GPHA2: variants seen among roughly 807,000 people sequenced by gnomAD.
The protein encoded by GPHA2 is glycoprotein hormone subunit alpha 2, also known as glycoprotein hormone alpha-2.
A neutral mutation model predicts 15.3 loss-of-function variants in GPHA2; 12 were observed. The ratio of observed to expected loss-of-function variants is 0.78; its 90% CI spans 0.50 to 1.27. GPHA2 has a LOEUF of 1.27. Ranked by LOEUF, GPHA2 falls within the 50% of genes most tolerant of loss-of-function variation. GPHA2 has a pLI of 0.00. For synonymous variants in GPHA2, 61 were observed against 66.8 expected, an observed-to-expected ratio of 0.91 and a Z score of 0.42; for missense variants, 156 against 169.5, an observed-to-expected ratio of 0.92 and a Z score of 0.44.
Position 64,934,919 on chromosome 11 carries a change from T to C in GPHA2, c.289-45A>G, listed in dbSNP as rs972802761. 5.0e-6 allele frequency: 8 copies of C among 1,611,976 alleles called. No homozygotes were observed. In the African/African-American group the frequency reaches 8.0e-5, roughly 16 times the overall value. On this transcript the variant is annotated intron_variant, in intron 3 of 3. Transcript: ENST00000279168. Reference sequence around the variant, plus strand: ...GTGCTGCAGTCCCCTTTCTCAGGGCTGTCTAGGATCTCCATCTCTCTGGTC... The same window carrying C: ...GTGCTGCAGTCCCCTTTCTCAGGGCCGTCTAGGATCTCCATCTCTCTGGTC...
rs1447206489 is a variant in GPHA2, at chr11:64,934,691, GT to G, written c.*81del. 7.8e-5 allele frequency: 91 copies of G among 1,165,838 alleles called. 2 individuals are homozygous for G. The South Asian group carries it at 1.1e-3, about 14-fold the overall frequency. The allele number at this position is 1,165,838 out of a possible 1,614,324, so 72.2% of individuals were successfully genotyped here. ...ACCATCAGGGCTGGAGCTCCTTCCA[GT>G]TTTTGAATCTTGAACACAGGTTTCC... On this transcript the variant is annotated 3_prime_UTR_variant, in exon 4 of 4. Coordinates refer to ENST00000279168, the MANE Select transcript of GPHA2 (RefSeq NM_130769.4).
chr11:64,934,901 A>C, intron 3 of GPHA2, 27 bp from the exon 4 acceptor site: 1 of 1,612,450 alleles, frequency 6.2e-7, no homozygotes, highest in Non-Finnish European at 8.5e-7. Flanking sequence ...TCCGTGCTGC[A>C]GTCCCCTTTC....
Position 64,934,607 on chromosome 11 carries a change from T to C in GPHA2, c.*166A>G, listed in dbSNP as rs1945268335. On this transcript the variant is annotated 3_prime_UTR_variant, in exon 4 of 4. Coordinates refer to ENST00000279168, the MANE Select transcript of GPHA2 (RefSeq NM_130769.4). ...TTCTCAGGTGACAGTCACAAAATCT[T>C]ACAAAGGATCAAAGCTGGAACAACC... 1.1e-5 allele frequency: 7 copies of C among 626,166 alleles called. No individual in the cohort carries two copies. The highest frequency in any genetic ancestry group is 2.9e-6 in the Non-Finnish European group (1 of 350,398). 38.8% of individuals were successfully genotyped at this position (626,166 alleles called of 1,614,324 possible). A position where few individuals can be genotyped will look rare whatever the true frequency, so the allele number is the denominator to read the frequency against.
At position 64,934,803 on chromosome 11, in the gene GPHA2, C is replaced by G. The variant is rs946794849; in HGVS notation, c.360G>C (p.Gln120His). The G allele has an allele frequency of 6.2e-7, 1 of 1,614,118 alleles. No individual in the cohort carries two copies. Among genetic ancestry groups the G allele is most frequent in the Admixed American group, 1.7e-5 (1 of 60,028 alleles). ...AGCGAGAGAGGCGACACATGTCACACTGGCAGGCCCTGGCCGTGAAGATCT... is the reference window on the plus strand; with the variant it reads ...AGCGAGAGAGGCGACACATGTCACAGTGGCAGGCCCTGGCCGTGAAGATCT... ...ELEIFTARAC[Q>H]CDMCRLSRY is the part of the protein sequence containing the mutation. Residue 120 changes from glutamine to histidine, a missense_variant, in exon 4 of 4, where the codon CAG (glutamine) becomes CAC (histidine). Gln to His is a conservative substitution (Grantham distance 24). Coordinates refer to ENST00000279168, the MANE Select transcript of GPHA2 (RefSeq NM_130769.4).
chr11:64,935,634 T>C (rs1008687679), intron 1 of GPHA2, 174 bp from the exon 2 acceptor site: 5 of 509,596 alleles, frequency 9.8e-6, no homozygotes, highest in African/African-American at 1.9e-5. Context: ...TGTGTGTGTA[T>C]GGGTGTGAGT....
At position 64,935,092 on chromosome 11, in the gene GPHA2, A is replaced by T. The variant is rs766065099; in HGVS notation, c.187T>A (p.Ser63Thr). ...GAGTACCGAGAAGGGAAGGCGCTGG[A>T]CTCACAGTGGCCCACACAGGCCTGT... is the stretch of plus-strand genomic sequence containing the variant. Reference protein sequence around the residue: ...VAQACVGHCESSAFPSRYSVL... With the variant: ...VAQACVGHCETSAFPSRYSVL... The change falls in exon 3 of 4, where the codon TCC becomes ACC. Residue 63 changes from serine to threonine, a missense_variant. Coordinates refer to ENST00000279168, the MANE Select transcript of GPHA2 (RefSeq NM_130769.4). 53 of 1,613,746 alleles carry T rather than the reference A, an allele frequency of 3.3e-5. No individual in the cohort carries two copies. Among genetic ancestry groups the T allele is most frequent in the Non-Finnish European group, 4.3e-5 (51 of 1,179,946 alleles).
chr11:64,934,498 G>T lies in GPHA2; in HGVS notation c.*275C>A. Reference sequence around the variant, plus strand: ...CAAGAACTGCTTGCTTTATTTAGGGGTAAGGGCAAAGAGGGAAGTAAAATG... The same window carrying T: ...CAAGAACTGCTTGCTTTATTTAGGGTTAAGGGCAAAGAGGGAAGTAAAATG... On this transcript the variant is annotated 3_prime_UTR_variant, in exon 4 of 4. Transcript: ENST00000279168. The T allele has an allele frequency of 1.8e-6, 1 of 548,850 alleles. No homozygotes were observed. Among genetic ancestry groups the T allele is most frequent in the Non-Finnish European group, 3.3e-6 (1 of 305,844 alleles). 34.0% of individuals were successfully genotyped at this position (548,850 alleles called of 1,614,324 possible).
chr11:64,934,920 G>A (rs777225208), intron 3 of GPHA2, 46 bp from the exon 4 acceptor site: 2 of 1,611,746 alleles, frequency 1.2e-6, no homozygotes, highest in Admixed American at 1.7e-5. Flanking sequence ...TCTCAGGGCT[G>A]TCTAGGATCT....
chr11:64,937,441 C>T (rs893983209), upstream of GPHA2: 3 of 152,198 alleles, frequency 2.0e-5, no homozygotes, highest in Non-Finnish European at 2.9e-5. Context: ...AGTGATGTTA[C>T]TAATGTCACT....
upstream of GPHA2, among the ~76,000 whole-genome samples, chr11:64,936,371 A>G (rs982952929): frequency 6.6e-6 from 1 of 152,030 alleles, no homozygotes; most frequent in Non-Finnish European, 1.5e-5. Context: ...TCCACCTCCC[A>G]GCCTCCCAGA....
chr11:64,936,105 T>A (rs951573506), upstream of GPHA2, among the ~76,000 whole-genome samples: 11 of 152,124 alleles, frequency 7.2e-5, no homozygotes, highest in Non-Finnish European at 7.4e-5. Flanking sequence ...CAGGCCTCGA[T>A]AAGTCAGATG....
Position 64,934,810 on chromosome 11 carries a change from G to T in GPHA2, c.353C>A (p.Ala118Asp). Residue 118 changes from alanine to aspartate, a missense_variant, in exon 4 of 4, where the codon GCC (alanine) becomes GAC (aspartate). Ala to Asp is a moderately radical substitution (Grantham distance 126). Coordinates refer to ENST00000279168, the MANE Select transcript of GPHA2 (RefSeq NM_130769.4). The part of the protein sequence containing the change: ...REELEIFTAR[A>D]CQCDMCRLSR... Reference sequence around the variant, plus strand: ...GAGGCGACACATGTCACACTGGCAGGCCCTGGCCGTGAAGATCTCGAGCTC... The same window carrying T: ...GAGGCGACACATGTCACACTGGCAGTCCCTGGCCGTGAAGATCTCGAGCTC... 4 of 1,614,078 alleles carry T rather than the reference G, an allele frequency of 2.5e-6. No homozygotes were observed. Among genetic ancestry groups the T allele is most frequent in the Non-Finnish European group, 3.4e-6 (4 of 1,180,006 alleles).
At position 64,935,123 on chromosome 11, in the gene GPHA2, G is replaced by A. The variant is rs140719126; in HGVS notation, c.156C>T (p.His52=). The A allele has an allele frequency of 2.6e-5, 42 of 1,613,886 alleles. No individual in the cohort carries two copies. The highest frequency in any genetic ancestry group is 8.3e-5 in the Admixed American group (5 of 59,998). The stretch of plus-strand genomic sequence containing the variant: ...AGTGGCCCACACAGGCCTGTGCCAC[G>A]TGGGAGCCCTGGCAGGTGCCTTGGC... ...SDRQGTCQGS[H]VAQACVGHCE... Residue 52 remains histidine (H), a synonymous_variant, in exon 3 of 4, where the codon CAC becomes CAT. Coordinates refer to ENST00000279168, the MANE Select transcript of GPHA2 (RefSeq NM_130769.4).
At chr11:64,936,682 A>C (rs1055634262), upstream of GPHA2, among the ~76,000 whole-genome samples, 1 of 152,136 alleles carries the variant, frequency 6.6e-6, no homozygotes, top group African/African-American at 2.4e-5. Context: ...GACAAGGGAA[A>C]TTATACCAGT....
upstream of GPHA2, among the ~76,000 whole-genome samples, chr11:64,937,057 C>T (rs1945300071): frequency 6.6e-6 from 1 of 152,162 alleles, no homozygotes; most frequent in Non-Finnish European, 1.5e-5. Flanking sequence ...ATGTGGCAAG[C>T]TGGAGAAAGA....
In GPHA2 at chr11:64,935,049, C is replaced by T; in HGVS notation, c.230G>A (p.Gly77Asp). The T allele has an allele frequency of 6.2e-7, 1 of 1,614,104 alleles. No individual in the cohort carries two copies. Among genetic ancestry groups the T allele is most frequent in the Non-Finnish European group, 8.5e-7 (1 of 1,180,016 alleles). ...GACGGAGGTGATGTTGTGTCGGTAA[C>T]CACTGGCCACCAGCACAGAGTACCG... Reference protein sequence around the residue: ...PSRYSVLVASGYRHNITSVSQ... With the variant: ...PSRYSVLVASDYRHNITSVSQ... Residue 77 changes from glycine to aspartate, a missense_variant, in exon 3 of 4, where the codon GGT becomes GAT. Physicochemically the swap from Gly to Asp is moderately conservative, Grantham distance 94 (BLOSUM62 -1). Coordinates refer to ENST00000279168, the MANE Select transcript of GPHA2 (RefSeq NM_130769.4).
intron 2 of GPHA2, 58 bp downstream of exon 2, chr11:64,935,300 C>A: frequency 3.4e-6 from 4 of 1,177,180 alleles, no homozygotes; most frequent in Middle Eastern, 5.0e-4. Flanking sequence ...CCACTCAGCT[C>A]TTTGCTCCCA....
chr11:64,935,540 G>C, intron 1 of GPHA2, 80 bp from the exon 2 acceptor site: 1 of 942,336 alleles, frequency 1.1e-6, no homozygotes, highest in Non-Finnish European at 1.6e-6. Flanking sequence ...TTCCAGGTGA[G>C]TGAGCCAGGG....
At chr11:64,936,406 TC>T (rs1410390588), upstream of GPHA2, among the ~76,000 whole-genome samples, 1 of 152,076 alleles carries the variant, frequency 6.6e-6, no homozygotes, top group Non-Finnish European at 1.5e-5. Flanking sequence ...CCCCTTAGCC[TC>T]CTGAGTAGCT....
Sources: gnomAD v4.1 joint callset for allele counts (sites outside exome capture counted in the v4.1 genomes callset) on GRCh38, gnomAD v4.1.1 for gene constraint, MANE v1.5 for transcripts, NCBI Gene and HGNC (gene_info 2026-07-23, HGNC 2026-07-21) for gene names.